The following G2E3 variants were observed in gnomAD, a reference collection of about 807,000 sequenced individuals.
G2E3 encodes the protein G2/M-phase specific E3 ubiquitin protein ligase, also known as G2/M phase-specific E3 ubiquitin-protein ligase.
A neutral mutation model predicts 92.8 loss-of-function variants in G2E3; 35 were observed. The ratio of observed to expected loss-of-function variants is 0.38; its 90% CI spans 0.29 to 0.50. G2E3 has a LOEUF of 0.50. Among genes scored for constraint, G2E3 ranks in the 20% least tolerant of loss-of-function variants. The probability of loss-of-function intolerance (pLI) is 0.94; values close to 1 mark genes in which losing one functional copy is unlikely to be tolerated. For missense variants in G2E3, 554 were observed against 823.8 expected (o/e 0.67, Z 4.01); for synonymous variants, 242 against 272.4 (o/e 0.89, Z 1.10).
intron 6 of G2E3, among the ~76,000 whole-genome samples, chr14:30,596,915 T>A (rs1881318324): frequency 6.6e-6 from 1 of 152,226 alleles, no homozygotes; most frequent in Non-Finnish European, 1.5e-5. Flanking sequence ...CCTGTTTCCT[T>A]CTGAGTACCC....
chr14:30,586,456 G>T (rs1880717828), intron 2 of G2E3, among the ~76,000 whole-genome samples: 1 of 152,162 alleles, frequency 6.6e-6, no homozygotes, highest in Admixed American at 6.5e-5. Context: ...TAGTTCCCCA[G>T]TGTGTCATTT....
rs935415762 is a variant in G2E3 at position 30,616,575 on chromosome 14, T to C, written c.*41T>C. On this transcript the variant is annotated 3_prime_UTR_variant, in exon 15 of 15. Transcript: ENST00000206595. ...AAAGAGAAGCTTCTTTAAAAGCTGC[T>C]ATTGATAACTCTCTTTTATTTCACT... is the stretch of plus-strand genomic sequence containing the variant. The C allele has an allele frequency of 3.5e-6, 5 of 1,428,158 alleles. No individual in the cohort carries two copies. Among genetic ancestry groups the C allele is most frequent in the African/African-American group, 1.4e-5 (1 of 69,442 alleles). 88.5% of individuals were successfully genotyped at this position (1,428,158 alleles called of 1,614,324 possible).
intron 14 of G2E3, among the ~76,000 whole-genome samples, chr14:30,615,882 C>T (rs229244): frequency 0.4 from 60,485 of 151,928 alleles, 13,300 homozygotes; most frequent in African/African-American, 0.58. Flanking sequence ...TTATTCTTCA[C>T]CCACTGGTCA....
At position 30,616,529 on chromosome 14, in the gene G2E3, C is replaced by T. The variant is rs1353634076; in HGVS notation, c.2116C>T (p.His706Tyr). 6.3e-7 allele frequency: 1 copy of T among 1,580,132 alleles called. No individual in the cohort carries two copies. The highest frequency in any genetic ancestry group is 8.6e-7 in the Non-Finnish European group (1 of 1,163,652). The change falls in exon 15 of 15, where the codon CAT (histidine) becomes TAT (tyrosine). Residue 706 changes from histidine (H) to tyrosine (Y), a missense_variant. By Grantham distance (83) the His-to-Tyr change is moderately conservative (BLOSUM62 2). Coordinates refer to ENST00000206595, the MANE Select transcript of G2E3 (RefSeq NM_017769.5). ...EKEESSHYIG[H>Y] Reference sequence around the variant, plus strand: ...GGAAGAAAGTTCTCATTACATTGGACATTAAAATGTTTCCTTGAACAAAGA... The same window carrying T: ...GGAAGAAAGTTCTCATTACATTGGATATTAAAATGTTTCCTTGAACAAAGA...
rs79675928 is a variant in G2E3, at chr14:30,565,654, T to G, written c.-5+6382T>G. On this transcript the variant is annotated intron_variant, in intron 1 of 14. Transcript: ENST00000206595. ...GGTAGGGGTTCAACTTCATTCCTTT[T>G]TTTTTTTTTTTTTTTTTTTTTTTTT... 6.3e-3 allele frequency among the ~76,000 whole-genome samples: 466 copies of G among 73,860 alleles called. 1 individual carries two copies. Among genetic ancestry groups the G allele is most frequent in the Admixed American group, 0.016 (96 of 6,052 alleles). The allele number at this position is 73,860 out of a possible 152,430, so 48.5% of individuals were successfully genotyped here.
intron 1 of G2E3, among the ~76,000 whole-genome samples, chr14:30,563,185 G>A (rs980154701): frequency 2.0e-5 from 3 of 151,338 alleles, no homozygotes; most frequent in African/African-American, 7.3e-5. Flanking sequence ...ATTATGAGTG[G>A]TATGTTAGAT....
intron 10 of G2E3, among the ~76,000 whole-genome samples, chr14:30,604,760 AAGG>A (rs1881745031): frequency 1.3e-5 from 2 of 152,240 alleles, no homozygotes; most frequent in Non-Finnish European, 2.9e-5. Context: ...CTTATATAGT[AAGG>A]AGAGATTACA....
chr14:30,611,053 C>G (rs554438793), intron 12 of G2E3, among the ~76,000 whole-genome samples: 2 of 152,366 alleles, frequency 1.3e-5, no homozygotes, highest in African/African-American at 2.4e-5. Context: ...GTTCCTTCCT[C>G]TCATTATCGT....
At position 30,612,393 on chromosome 14, in the gene G2E3, A is replaced by G. The variant is rs374594322; in HGVS notation, c.1673+14A>G. ...ACCCTTTGAAAGGTAAGTTGTTTCT[A>G]TTAATATATGGCTCTTTCAAATTAC... is the stretch of plus-strand genomic sequence containing the variant. On this transcript the variant is annotated intron_variant, in intron 13 of 14. Transcript: ENST00000206595. The G allele has an allele frequency of 4.7e-6, 7 of 1,488,820 alleles. No individual in the cohort carries two copies. Among genetic ancestry groups the G allele is most frequent in the East Asian group, 4.7e-5 (2 of 42,880 alleles). The allele number at this position is 1,488,820 out of a possible 1,614,324, so 92.2% of individuals were successfully genotyped here.
intron 3 of G2E3, among the ~76,000 whole-genome samples, chr14:30,587,921 C>T (rs1880802186): frequency 6.6e-6 from 1 of 152,184 alleles, no homozygotes; most frequent in Non-Finnish European, 1.5e-5. Context: ...AATTAAGCCC[C>T]ACTTCTTGAA....
At chr14:30,612,133 C>A in intron 12 of G2E3, 74 bp from the exon 13 acceptor site, 1 of 1,012,440 alleles carries the variant, frequency 9.9e-7, no homozygotes, top group Non-Finnish European at 1.5e-6. Flanking sequence ...TATAAATTAA[C>A]AAGTATCATT....
At chr14:30,595,716 C>G (rs151007162) in intron 6 of G2E3, among the ~76,000 whole-genome samples, 1,609 of 152,268 alleles carry the variant, frequency 0.011, 17 homozygotes, top group Non-Finnish European at 0.016. Flanking sequence ...CTTTTGTACT[C>G]TGGTATCGGT....
intron 14 of G2E3, among the ~76,000 whole-genome samples, chr14:30,616,060 A>G (rs1882298825): frequency 6.6e-6 from 1 of 152,140 alleles, no homozygotes. Context: ...AAGTAGTTGT[A>G]CTAAATGATT....
chr14:30,565,913 G>A (rs113441398), intron 1 of G2E3, among the ~76,000 whole-genome samples: 11 of 151,642 alleles, frequency 7.3e-5, no homozygotes, highest in East Asian at 1.9e-4. Context: ...CTGTCGCCTC[G>A]GCCTCCCAAA....
At position 30,616,477 on chromosome 14, in the gene G2E3, C is replaced by T; in HGVS notation, c.2064C>T (p.Thr688=). 6.2e-7 allele frequency: 1 copy of T among 1,602,784 alleles called. No homozygotes were observed. The highest frequency in any genetic ancestry group is 8.5e-7 in the Non-Finnish European group (1 of 1,169,976). The change falls in exon 15 of 15, where the codon ACC becomes ACT. Residue 688 remains threonine, a synonymous_variant. Transcript: ENST00000206595. ...AGTTTCAAGAAAATATGGACTTCAC[C>T]ATAAGAAACACTCTAAGACTAGAAA... ...YKEFQENMDF[T]IRNTLRLEKE... is the part of the protein sequence containing the mutation.
At chr14:30,573,115 A>G (rs1879864327) in intron 1 of G2E3, among the ~76,000 whole-genome samples, 1 of 152,084 alleles carries the variant, frequency 6.6e-6, no homozygotes, top group Admixed American at 6.6e-5. Flanking sequence ...CTACAGGTGC[A>G]TAACACTGTG....
At position 30,597,486 on chromosome 14, in the gene G2E3, C is replaced by G; in HGVS notation, c.595C>G (p.Gln199Glu). The G allele has an allele frequency of 6.3e-7, 1 of 1,584,316 alleles. No homozygotes were observed. The highest frequency in any genetic ancestry group is 1.1e-5 in the South Asian group (1 of 90,446). Reference sequence around the variant, plus strand: ...AATATGCAATAATAGTGACATCTTTCAGAAAGAGATGTTGAGAATGGGAAT... The same window carrying G: ...AATATGCAATAATAGTGACATCTTTGAGAAAGAGATGTTGAGAATGGGAAT... ...CTICNNSDIF[Q>E]KEMLRMGIHI... is the part of the protein sequence containing the mutation. Residue 199 changes from glutamine to glutamate, a missense_variant, in exon 7 of 15, where the codon CAG (glutamine) becomes GAG (glutamate). This residue lies in a region of G2E3 where 20 missense variants were observed against 62.3 expected (regional missense o/e 0.32). Transcript: ENST00000206595.
At chr14:30,567,373 T>G (rs948124291) in intron 1 of G2E3, among the ~76,000 whole-genome samples, 4 of 152,188 alleles carry the variant, frequency 2.6e-5, no homozygotes, top group African/African-American at 9.6e-5. Flanking sequence ...TTTCTATTTC[T>G]TCTTGTCACT....
chr14:30,609,052 G>A (rs1316932851), intron 12 of G2E3, among the ~76,000 whole-genome samples: 2 of 152,172 alleles, frequency 1.3e-5, no homozygotes, highest in Admixed American at 6.5e-5. Context: ...TATATGTTGT[G>A]TCACTTTGGG....
Sources: gnomAD v4.1 joint callset for allele counts (sites outside exome capture counted in the v4.1 genomes callset) on GRCh38, gnomAD v4.1.1 for gene constraint, gnomAD v4.1.1 regional missense constraint, MANE v1.5 for transcripts, NCBI Gene and HGNC (gene_info 2026-07-23, HGNC 2026-07-21) for gene names.